TCTN1: variants seen among roughly 807,000 people sequenced by gnomAD.
TCTN1 encodes tectonic-1.
Under a neutral mutation model 65.8 loss-of-function variants are expected in TCTN1, and 58 were observed. The ratio of observed to expected loss-of-function variants is 0.88; its 90% CI spans 0.71 to 1.10. The LOEUF is 1.10. Ranked by LOEUF, TCTN1 falls within the 50% of genes least tolerant of loss-of-function variation. The pLI, the probability that TCTN1 is intolerant of heterozygous loss-of-function variation, is 0.00. For missense variants in TCTN1, 645 were observed against 719.4 expected, an observed-to-expected ratio of 0.90 and a Z score of 1.18; for synonymous variants, 273 against 289.1, an observed-to-expected ratio of 0.94 and a Z score of 0.57.
chr12:110,644,544 G>C lies in TCTN1; in HGVS notation c.1332-423G>C, dbSNP rs184081508. 142 of 246,182 alleles carry C rather than the reference G, an allele frequency of 5.8e-4. 1 individual carries two copies. The East Asian group carries it at 0.013, about 23-fold the overall frequency. The allele number at this position is 246,182 out of a possible 1,614,324, so 15.2% of individuals were successfully genotyped here. ...TACAAAAAAATTAGCCAGGCATGGT[G>C]GTGGGCACCTGTAGTCCCAGCTACT... On this transcript the variant is annotated intron_variant, in intron 11 of 14. Transcript: ENST00000397659. The surrounding 1 kb of genome is among the most constrained non-coding windows in gnomAD (Gnocchi z 4.6).
intron 5 of TCTN1, 68 bp from the exon 6 acceptor site, chr12:110,634,602 C>A: frequency 7.9e-7 from 1 of 1,265,644 alleles, no homozygotes; most frequent in Non-Finnish European, 1.1e-6. Flanking sequence ...TTTTAGTTGC[C>A]ATTGGAAAAT....
At chr12:110,635,833 G>GT (rs2066534080) in intron 6 of TCTN1, 1 of 152,658 alleles carries the variant, frequency 6.6e-6, no homozygotes, top group Admixed American at 6.5e-5. Flanking sequence ...CCTCTCTTGT[G>GT]TAAGTCAGCC....
At chr12:110,627,435 T>C (rs963731999) in intron 3 of TCTN1, among the ~76,000 whole-genome samples, 22 of 152,322 alleles carry the variant, frequency 1.4e-4, no homozygotes, top group African/African-American at 5.3e-4. Context: ...TTTTGCTATA[T>C]GTATAGTGTA....
At chr12:110,632,639 C>T in intron 5 of TCTN1, 80 bp downstream of exon 5, 1 of 1,494,826 alleles carries the variant, frequency 6.7e-7, no homozygotes, top group South Asian at 1.1e-5. Context: ...CGGTTTTTGC[C>T]ATTAAAAGTA....
At chr12:110,620,810 C>CT (rs1216049794) in intron 2 of TCTN1, among the ~76,000 whole-genome samples, 10,666 of 133,314 alleles carry the variant, frequency 0.08, 662 homozygotes, top group African/African-American at 0.18. Context: ...TTCAAGGCTT[C>CT]TTTTTTTTTT....
intron 12 of TCTN1, chr12:110,646,560 T>A (rs1224995512): frequency 1.3e-5 from 2 of 153,084 alleles, no homozygotes; most frequent in Admixed American, 6.5e-5. Context: ...CTTTTTCCCT[T>A]GGGTCAGAGG....
Position 110,620,091 on chromosome 12 carries a change from C to T in TCTN1, c.341+135C>T, listed in dbSNP as rs61942627. 75,293 of 1,333,268 alleles carry T rather than the reference C, an allele frequency of 0.056. 2,641 individuals carry two copies. Among genetic ancestry groups the T allele is most frequent in the Middle Eastern group, 0.073 (333 of 4,558 alleles). The allele number at this position is 1,333,268 out of a possible 1,614,324, so 82.6% of individuals were successfully genotyped here. A position where few individuals can be genotyped will look rare whatever the true frequency, so the allele number is the denominator to read the frequency against. On this transcript the variant is annotated intron_variant, in intron 2 of 14. Transcript: ENST00000397659. ...GTTTTACGTCGTTCTGAAGCCATAC[C>T]GTCCAAACAAATATGTAAAAAAGTA...
chr12:110,641,760 A>T (rs1294750709), intron 10 of TCTN1, 133 bp downstream of exon 10: 2 of 931,078 alleles, frequency 2.1e-6, no homozygotes, highest in Non-Finnish European at 1.7e-6. Flanking sequence ...AGCTTCCTGC[A>T]GGCGGCTCTG....
At chr12:110,641,417 A>C (rs2066943263) in intron 9 of TCTN1, 125 bp from the exon 10 acceptor site, 1 of 999,788 alleles carries the variant, frequency 1.0e-6, no homozygotes, top group African/African-American at 1.6e-5. Context: ...AGTTCTGAGT[A>C]GGGAGGGAGA....
chr12:110,646,868 G>A (rs1290990505), intron 12 of TCTN1: 2 of 338,760 alleles, frequency 5.9e-6, no homozygotes, highest in Admixed American at 4.5e-5. Flanking sequence ...CTGTGAGGCC[G>A]CTATAAACAG....
At position 110,619,809 on chromosome 12, in the gene TCTN1, T is replaced by G. The variant is rs771585471; in HGVS notation, c.221-27T>G. ...TCACCACCTGCTGATGGTGATGTTC[T>G]GGATCCTACCCCTCTTTTTTCTGCA... On this transcript the variant is annotated intron_variant, in intron 1 of 14. Transcript: ENST00000397659. 4 of 1,613,980 alleles carry G rather than the reference T, an allele frequency of 2.5e-6. No homozygotes were observed. The Admixed American group carries it at 6.7e-5, about 27-fold the overall frequency.
chr12:110,622,446 T>C (rs1290348683), intron 2 of TCTN1, among the ~76,000 whole-genome samples: 2 of 152,136 alleles, frequency 1.3e-5, no homozygotes, highest in Non-Finnish European at 2.9e-5. Context: ...GAGGAGTGGA[T>C]GGCAGTTTCT....
At chr12:110,647,592 T>A in intron 13 of TCTN1, 157 bp from the exon 14 acceptor site, 1 of 1,194,126 alleles carries the variant, frequency 8.4e-7, no homozygotes, top group Non-Finnish European at 1.2e-6. Flanking sequence ...GGTAAAATTG[T>A]TTCTCTCATC....
intron 2 of TCTN1, among the ~76,000 whole-genome samples, chr12:110,623,109 C>T (rs557280385): frequency 6.6e-6 from 1 of 152,334 alleles, no homozygotes; most frequent in South Asian, 2.1e-4. Flanking sequence ...CACACCTCAT[C>T]CTGTCAAGCA....
chr12:110,619,738 T>G, intron 1 of TCTN1, 98 bp from the exon 2 acceptor site: 1 of 1,585,478 alleles, frequency 6.3e-7, no homozygotes, highest in Non-Finnish European at 8.6e-7. Context: ...AAAATGGATC[T>G]TTTTTATGAA....
chr12:110,617,232 T>C (rs1194828926), intron 1 of TCTN1, among the ~76,000 whole-genome samples: 3 of 152,172 alleles, frequency 2.0e-5, no homozygotes, highest in Non-Finnish European at 4.4e-5. Context: ...CTGTAAACTT[T>C]AGGGGGAAAG....
intron 2 of TCTN1, among the ~76,000 whole-genome samples, chr12:110,624,698 C>T (rs1319653215): frequency 1.3e-4 from 20 of 152,018 alleles, no homozygotes; most frequent in Admixed American, 1.3e-3. Flanking sequence ...CTGCCTCAGT[C>T]TCCCCAGCAG....
In TCTN1 at chr12:110,632,532, T is replaced by A. The variant is rs1450376301; in HGVS notation, c.685T>A (p.Ser229Thr). The A allele has an allele frequency of 6.2e-7, 1 of 1,614,106 alleles. No homozygotes were observed. Among genetic ancestry groups the A allele is most frequent in the South Asian group, 1.1e-5 (1 of 91,090 alleles). The change falls in exon 5 of 15, where the codon TCT becomes ACT. Residue 229 changes from serine (S) to threonine (T), a missense_variant. Physicochemically the swap from Ser to Thr is moderately conservative, Grantham distance 58 (BLOSUM62 1). Transcript: ENST00000397659. ...FLRFPSSLTS[S>T]LCTDNNPAAF... ...GAGATTTCCTTCGTCCCTGACATCA[T>A]CTCTGTGCACTGATAATAACCCTGC...
chr12:110,631,246 A>C (rs1230217548), intron 4 of TCTN1, among the ~76,000 whole-genome samples: 1 of 151,134 alleles, frequency 6.6e-6, no homozygotes, highest in Non-Finnish European at 1.5e-5. Context: ...GCTGGTCTTG[A>C]ACTCCTGACC....
Sources: allele counts gnomAD v4.1 joint callset (sites outside exome capture counted in the v4.1 genomes callset), GRCh38; gene constraint gnomAD v4.1.1; non-coding constraint Gnocchi (gnomAD v3.1); transcripts MANE v1.5; gene names NCBI Gene and HGNC (gene_info 2026-07-23, HGNC 2026-07-21).